Variants in GALNTL6 observed in about 807,000 individuals in gnomAD.
GALNTL6 encodes polypeptide N-acetylgalactosaminyltransferase-like 6.
GALNTL6 carries 46 observed loss-of-function variants against 73.7 expected under a neutral mutation model. The ratio of observed to expected loss-of-function variants is 0.62; its 90% confidence interval spans 0.49 to 0.80. The LOEUF (loss-of-function observed/expected upper bound fraction) is 0.80. Ranked by LOEUF, GALNTL6 falls within the 30% of genes least tolerant of loss-of-function variation. The probability of loss-of-function intolerance (pLI) is 0.00; values close to 1 mark genes in which losing one functional copy is unlikely to be tolerated. For missense variants in GALNTL6, 604 were observed against 755.0 expected (o/e 0.80, Z 2.34); for synonymous variants, 259 against 263.7 (o/e 0.98, Z 0.17).
At chr4:172,355,539 A>G (rs1173794678) in intron 5 of GALNTL6, among the ~76,000 whole-genome samples, 1 of 152,166 alleles carries the variant, frequency 6.6e-6, no homozygotes, top group Non-Finnish European at 1.5e-5. Context: ...ATTCCACAGT[A>G]GAAAAAAATC....
chr4:172,059,128 G>C (rs192078809), intron 2 of GALNTL6, among the ~76,000 whole-genome samples: 1 of 152,180 alleles, frequency 6.6e-6, no homozygotes, highest in African/African-American at 2.4e-5. Context: ...CTAGAGGAGA[G>C]ATCATCTCCT....
intron 2 of GALNTL6, among the ~76,000 whole-genome samples, chr4:171,842,706 C>T (rs1735269376): frequency 6.6e-6 from 1 of 152,070 alleles, no homozygotes; most frequent in Admixed American, 6.6e-5. Context: ...AGTGAGAACT[C>T]ACTTAGCACC....
At chr4:171,870,343 A>G (rs111335681) in intron 2 of GALNTL6, among the ~76,000 whole-genome samples, 183 of 152,294 alleles carry the variant, frequency 1.2e-3, no homozygotes, top group African/African-American at 4.0e-3. Flanking sequence ...TGCAGATACG[A>G]TAGAACACAA....
At chr4:172,274,095 T>C (rs980050123) in intron 3 of GALNTL6, among the ~76,000 whole-genome samples, 1 of 152,216 alleles carries the variant, frequency 6.6e-6, no homozygotes, top group Admixed American at 6.5e-5. Flanking sequence ...ATTATAAACA[T>C]ATTAATGTAT....
intron 4 of GALNTL6, among the ~76,000 whole-genome samples, chr4:172,334,436 T>C (rs1561031345): frequency 6.6e-6 from 1 of 152,370 alleles, no homozygotes; most frequent in East Asian, 1.9e-4. Context: ...CAGTGTTTTG[T>C]AATTTTGCTT....
At chr4:171,938,481 C>A (rs763821959) in intron 2 of GALNTL6, among the ~76,000 whole-genome samples, 7 of 152,044 alleles carry the variant, frequency 4.6e-5, no homozygotes, top group Non-Finnish European at 1.0e-4. Context: ...AAGCACTAGT[C>A]CAGATTTTTA....
At chr4:172,627,612 A>C (rs1739217923) in intron 5 of GALNTL6, among the ~76,000 whole-genome samples, 1 of 151,804 alleles carries the variant, frequency 6.6e-6, no homozygotes, top group Non-Finnish European at 1.5e-5. Flanking sequence ...TCAGCTGTGA[A>C]TCCATCTGGT....
In GALNTL6 at chr4:172,893,506, C is replaced by T. The variant is rs527683719; in HGVS notation, c.1041+10599C>T. Among the ~76,000 whole-genome samples, 32 of 152,316 alleles carry T rather than the reference C, an allele frequency of 2.1e-4. No homozygotes were observed. The South Asian group carries it at 5.6e-3, about 27-fold the overall frequency. On this transcript the variant is annotated intron_variant, in intron 8 of 12. Coordinates refer to ENST00000506823, the MANE Select transcript of GALNTL6 (RefSeq NM_001034845.3). Reference sequence around the variant, plus strand: ...GCTGTGCAGAAGGAGCCAAACTACTCCCAGGCAACCAGCAAAACACTCAGG... The same window carrying T: ...GCTGTGCAGAAGGAGCCAAACTACTTCCAGGCAACCAGCAAAACACTCAGG...
At chr4:172,453,129 G>A (rs1264183134) in intron 5 of GALNTL6, among the ~76,000 whole-genome samples, 1 of 152,028 alleles carries the variant, frequency 6.6e-6, no homozygotes, top group African/African-American at 2.4e-5. Context: ...TAGAACCCAG[G>A]AGGCGGAGGT....
At chr4:172,103,215 C>T (rs2110964307) in intron 2 of GALNTL6, among the ~76,000 whole-genome samples, 1 of 152,254 alleles carries the variant, frequency 6.6e-6, no homozygotes, top group East Asian at 1.9e-4. Flanking sequence ...TTCAGAGTTG[C>T]TGATGACCAG....
chr4:172,125,632 A>T (rs2111007382), intron 2 of GALNTL6, among the ~76,000 whole-genome samples: 1 of 152,348 alleles, frequency 6.6e-6, no homozygotes, highest in Non-Finnish European at 1.5e-5. Context: ...ACATTCCATG[A>T]CATGAGCAGA....
chr4:172,075,385 A>G (rs1042566640), intron 2 of GALNTL6, among the ~76,000 whole-genome samples: 13 of 152,008 alleles, frequency 8.6e-5, no homozygotes, highest in African/African-American at 3.1e-4. Flanking sequence ...CCCAGGCTGG[A>G]GTGCAGTGGC....
At chr4:172,519,018 T>C (rs1235434561) in intron 5 of GALNTL6, among the ~76,000 whole-genome samples, 2 of 151,704 alleles carry the variant, frequency 1.3e-5, no homozygotes, top group African/African-American at 4.8e-5. Context: ...TTGACTATCA[T>C]GAATAAAAGC....
At chr4:172,947,546 G>A (rs144002345) in intron 9 of GALNTL6, among the ~76,000 whole-genome samples, 2 of 151,520 alleles carry the variant, frequency 1.3e-5, no homozygotes, top group South Asian at 2.1e-4. Flanking sequence ...TAGATCTCCC[G>A]GCATTCATGC....
rs550692632 is a variant in GALNTL6 at position 171,927,571 on chromosome 4, C to T, written c.138+112853C>T. On this transcript the variant is annotated intron_variant, in intron 2 of 12. Coordinates refer to ENST00000506823, the MANE Select transcript of GALNTL6 (RefSeq NM_001034845.3). ...GCCAACCAAAGTTCCTACATTATGT[C>T]ATTAGGCTGTGCAGGATTCTAGCCT... Among the ~76,000 whole-genome samples the T allele has an allele frequency of 3.9e-5, 6 of 152,184 alleles. No individual in the cohort carries two copies. The South Asian group carries it at 1.2e-3, about 32-fold the overall frequency.
Position 172,809,513 on chromosome 4 carries a change from G to C in GALNTL6, c.706G>C (p.Glu236Gln), listed in dbSNP as rs1741167933. 1 of 1,613,428 alleles carries C rather than the reference G, an allele frequency of 6.2e-7. No homozygotes were observed. Among genetic ancestry groups the C allele is most frequent in the Non-Finnish European group, 8.5e-7 (1 of 1,179,708 alleles). The change falls in exon 6 of 13, where the codon GAG becomes CAG. Residue 236 changes from glutamate to glutamine, a missense_variant. This residue lies in a region of GALNTL6 where 179 missense variants were observed against 230.8 expected (regional missense o/e 0.78). Transcript: ENST00000506823. The surrounding 1 kb of genome is among the most constrained non-coding windows in gnomAD (Gnocchi z 4.4). ...EVLTFLDSHCEVNVNWLPPLL... is the reference protein window; with the variant it reads ...EVLTFLDSHCQVNVNWLPPLL... ...CCTGACATTCCTGGACTCCCACTGC[G>C]AGGTCAATGTGAACTGGCTGCCCCC...
chr4:172,757,863 A>T (rs1346665084), intron 5 of GALNTL6, among the ~76,000 whole-genome samples: 1 of 152,240 alleles, frequency 6.6e-6, no homozygotes, highest in Non-Finnish European at 1.5e-5. Flanking sequence ...TTGATAAATC[A>T]TAAAAATAGA....
At chr4:172,663,512 AG>A (rs1386744811) in intron 5 of GALNTL6, among the ~76,000 whole-genome samples, 1 of 152,212 alleles carries the variant, frequency 6.6e-6, no homozygotes, top group Non-Finnish European at 1.5e-5. Context: ...CACTAGTCGG[AG>A]GATCAGCTCT....
intron 5 of GALNTL6, among the ~76,000 whole-genome samples, chr4:172,580,391 T>TA: frequency 6.6e-6 from 1 of 152,314 alleles, no homozygotes; most frequent in East Asian, 1.9e-4. Flanking sequence ...AACTTGTATT[T>TA]AAAAAATCAA....
Sources: gnomAD v4.1 joint callset for allele counts (sites outside exome capture counted in the v4.1 genomes callset) on GRCh38, gnomAD v4.1.1 for gene constraint, gnomAD v4.1.1 regional missense constraint, Gnocchi (gnomAD v3.1) non-coding constraint, MANE v1.5 for transcripts, NCBI Gene and HGNC (gene_info 2026-07-23, HGNC 2026-07-21) for gene names.